The following TAF15 variants were observed in gnomAD, a reference collection of about 807,000 sequenced individuals.
The protein encoded by TAF15 is TATA-binding protein-associated factor 2N.
Under a neutral mutation model 102.5 loss-of-function variants are expected in TAF15, and 37 were observed. The observed-to-expected ratio is 0.36, with a 90% confidence interval of 0.28 to 0.47. TAF15 has a LOEUF of 0.47. Among genes scored for constraint, TAF15 ranks in the 20% least tolerant of loss-of-function variants. The probability of loss-of-function intolerance (pLI) is 0.99; values close to 1 mark genes in which losing one functional copy is unlikely to be tolerated. For synonymous variants in TAF15, 273 were observed against 259.2 expected (o/e 1.05, Z -0.51); for missense variants, 652 against 760.7 (o/e 0.86, Z 1.68).
chr17:35,811,375 C>T (rs1371478771), intron 1 of TAF15: 1 of 152,124 alleles, frequency 6.6e-6, no homozygotes, highest in Non-Finnish European at 1.5e-5. Context: ...ACGAAATTGG[C>T]TTTTCGGTGT....
intron 7 of TAF15, among the ~76,000 whole-genome samples, chr17:35,826,253 G>T (rs2087324059): frequency 6.6e-6 from 1 of 152,122 alleles, no homozygotes; most frequent in Non-Finnish European, 1.5e-5. Flanking sequence ...TTTCAGTGGG[G>T]GAAAGGTCGG....
At chr17:35,844,247 A>G (rs1568281649) in intron 13 of TAF15, 33 bp from the exon 14 acceptor site, 10 of 1,612,262 alleles carry the variant, frequency 6.2e-6, no homozygotes, top group Non-Finnish European at 7.6e-6. Flanking sequence ...ATTAGAAACT[A>G]TATAGGAGCA....
intron 5 of TAF15, among the ~76,000 whole-genome samples, 165 bp downstream of exon 5, chr17:35,820,602 A>G (rs2087247113): frequency 6.6e-6 from 1 of 152,088 alleles, no homozygotes; most frequent in Admixed American, 6.6e-5. Context: ...ATGTGGAAAT[A>G]GCATTGTCAT....
At chr17:35,842,925 T>G (rs2087565262) in intron 12 of TAF15, among the ~76,000 whole-genome samples, 1 of 151,040 alleles carries the variant, frequency 6.6e-6, no homozygotes, top group Non-Finnish European at 1.5e-5. Flanking sequence ...TAGAGATGAT[T>G]TCACTATGTT....
In TAF15 at chr17:35,844,949, A is replaced by T; in HGVS notation, c.1650A>T (p.Gly550=). 6.2e-7 allele frequency: 1 copy of T among 1,604,276 alleles called. No individual in the cohort carries two copies. Among genetic ancestry groups the T allele is most frequent in the Non-Finnish European group, 8.5e-7 (1 of 1,176,688 alleles). The stretch of plus-strand genomic sequence containing the variant: ...GTGGAGACCGAAGTGGAGGCTATGG[A>T]GGAGACAGGAGTGGTGGCGGCTATG... ...GYGGDRSGGY[G]GDRSGGGYGG... is the part of the protein sequence containing the mutation. The change falls in exon 15 of 16, where the codon GGA becomes GGT. Residue 550 remains glycine, a synonymous_variant. Coordinates refer to ENST00000605844, the MANE Select transcript of TAF15 (RefSeq NM_139215.3).
chr17:35,838,756 T>G (rs1298036491), intron 11 of TAF15, among the ~76,000 whole-genome samples: 2 of 152,234 alleles, frequency 1.3e-5, no homozygotes, highest in African/African-American at 4.8e-5. Flanking sequence ...ATATCATGCC[T>G]TGTGCATGAG....
chr17:35,822,924 T>A, intron 6 of TAF15, 91 bp downstream of exon 6: 2 of 1,507,704 alleles, frequency 1.3e-6, no homozygotes, highest in Non-Finnish European at 1.8e-6. Flanking sequence ...GGATTTCACC[T>A]GTTTGTAAAA....
chr17:35,817,876 G>A, intron 2 of TAF15, 121 bp downstream of exon 2: 2 of 876,104 alleles, frequency 2.3e-6, no homozygotes, highest in South Asian at 2.8e-5. Context: ...GTCACAGAGT[G>A]AAGAGAGTCA....
intron 12 of TAF15, among the ~76,000 whole-genome samples, 177 bp from the exon 13 acceptor site, chr17:35,843,900 C>A (rs553141484): frequency 1.6e-4 from 25 of 152,268 alleles, no homozygotes; most frequent in South Asian, 1.2e-3. Flanking sequence ...TTTCAAGGTC[C>A]TCTGTTTACT....
At chr17:35,834,512 A>T in intron 8 of TAF15, 54 bp from the exon 9 acceptor site, 1 of 1,569,026 alleles carries the variant, frequency 6.4e-7, no homozygotes, top group African/African-American at 1.4e-5. Context: ...TTTTTTGTTA[A>T]TGATTTTAAA....
rs892678406 is a variant in TAF15, at chr17:35,824,153, G to A, written c.560G>A (p.Arg187His). 6 of 1,614,004 alleles carry A rather than the reference G, an allele frequency of 3.7e-6. No individual in the cohort carries two copies. Among genetic ancestry groups the A allele is most frequent in the African/African-American group, 1.3e-5 (1 of 75,022 alleles). The stretch of plus-strand genomic sequence containing the variant: ...GGGTCACAGGGAGGAGGTAGAGGGC[G>A]TGGGGGATATGACAAGGATGGAAGA... The part of the protein sequence containing the change: ...YGGSQGGGRG[R>H]GGYDKDGRGP... The change falls in exon 7 of 16, where the codon CGT becomes CAT. Residue 187 changes from arginine to histidine, a missense_variant. By Grantham distance (29) the Arg-to-His change is conservative. Transcript: ENST00000605844.
intron 15 of TAF15, among the ~76,000 whole-genome samples, chr17:35,846,680 T>C (rs1014126026): frequency 2.6e-5 from 4 of 152,160 alleles, no homozygotes; most frequent in African/African-American, 7.2e-5. Flanking sequence ...AAGTGGAAAA[T>C]TTTTAAGAGA....
At chr17:35,818,179 T>C (rs985794837) in intron 2 of TAF15, among the ~76,000 whole-genome samples, 4 of 152,050 alleles carry the variant, frequency 2.6e-5, no homozygotes, top group Non-Finnish European at 1.5e-5. Flanking sequence ...CGCTGCAAGC[T>C]CCGCCTCGCA....
intron 11 of TAF15, among the ~76,000 whole-genome samples, chr17:35,839,713 A>G (rs931940985): frequency 6.6e-6 from 1 of 152,110 alleles, no homozygotes; most frequent in Admixed American, 6.5e-5. Context: ...AGTAGAAGAA[A>G]TGAGTAAAAC....
chr17:35,829,655 A>AAG (rs1444076826), intron 7 of TAF15, among the ~76,000 whole-genome samples: 70 of 135,540 alleles, frequency 5.2e-4, no homozygotes, highest in South Asian at 1.6e-3. Flanking sequence ...AAAAAAAAAA[A>AAG]AGAGAGAGAG....
At chr17:35,833,390 T>G (rs1004778397) in intron 7 of TAF15, 1 of 155,044 alleles carries the variant, frequency 6.4e-6, no homozygotes, top group Non-Finnish European at 1.4e-5. Flanking sequence ...TCTCAACTTT[T>G]GTGTATATTT....
intron 11 of TAF15, among the ~76,000 whole-genome samples, chr17:35,841,696 C>CTT (rs549802660): frequency 1.6e-4 from 21 of 135,154 alleles, no homozygotes; most frequent in East Asian, 4.2e-4. Flanking sequence ...TCACGCCCAG[C>CTT]TTTTTTTTTT....
chr17:35,834,011 C>A, intron 8 of TAF15, 70 bp downstream of exon 8: 1 of 1,542,604 alleles, frequency 6.5e-7, no homozygotes, highest in Non-Finnish European at 8.9e-7. Context: ...CAATATCCCG[C>A]AGATGTAGTC....
intron 1 of TAF15, among the ~76,000 whole-genome samples, chr17:35,814,157 C>A (rs1245324966): frequency 6.6e-6 from 1 of 151,806 alleles, no homozygotes; most frequent in African/African-American, 2.4e-5. Flanking sequence ...TTTGCAAACA[C>A]CAACCAAAAG....
Sources: gnomAD v4.1 joint callset for allele counts (sites outside exome capture counted in the v4.1 genomes callset) on GRCh38, gnomAD v4.1.1 for gene constraint, MANE v1.5 for transcripts, NCBI Gene and HGNC (gene_info 2026-07-23, HGNC 2026-07-21) for gene names.